ZNF577: variants seen among roughly 807,000 people sequenced by gnomAD.
The protein encoded by ZNF577 is zinc finger protein 577.
Under a neutral mutation model 13.9 loss-of-function variants are expected in ZNF577, and 14 were observed. The observed-to-expected ratio is 1.00, with a 90% CI of 0.66 to 1.57. The LOEUF is 1.57. Among genes scored for constraint, ZNF577 ranks in the 40% most tolerant of loss-of-function variants. ZNF577 has a pLI of 0.00. For missense variants in ZNF577, 555 were observed against 579.2 expected (o/e 0.96, Z 0.43); for synonymous variants, 203 against 202.9 (o/e 1.00, Z 0.00).
chr19:51,851,787 C>T (rs545015782), intron 5 of ZNF577, among the ~76,000 whole-genome samples: 2 of 152,280 alleles, frequency 1.3e-5, no homozygotes, highest in South Asian at 2.1e-4. Context: ...GATCTGGAGC[C>T]GCCCTGTCAC....
At chr19:51,814,702 C>T (rs2084121692) in intron 9 of ZNF577, among the ~76,000 whole-genome samples, 1 of 152,142 alleles carries the variant, frequency 6.6e-6, no homozygotes, top group Admixed American at 6.5e-5. Context: ...CCATGTTGGC[C>T]AGGCTGGTCT....
Position 51,824,876 on chromosome 19 carries a change from C to A in ZNF577, c.*600-13202G>T. 2 of 1,282,770 alleles carry A rather than the reference C, an allele frequency of 1.6e-6. No individual in the cohort carries two copies. Among genetic ancestry groups the A allele is most frequent in the Non-Finnish European group, 2.1e-6 (2 of 936,832 alleles). 79.5% of individuals were successfully genotyped at this position (1,282,770 alleles called of 1,614,324 possible). On this transcript the variant is annotated intron_variant and NMD_transcript_variant, in intron 9 of 10. Coordinates refer to the ZNF577 transcript ENST00000638827. This position sits in a 1 kb window ranked among gnomAD's most constrained non-coding sequence, Gnocchi z 4.7. ...GTTAAGCGGAAAAAAAAAATTCTGACAGTGTTTTTCTTCCTCTTTCATACC... is the reference window on the plus strand; with the variant it reads ...GTTAAGCGGAAAAAAAAAATTCTGAAAGTGTTTTTCTTCCTCTTTCATACC...
At chr19:51,885,922 G>T (rs1174822103) in intron 1 of ZNF577, among the ~76,000 whole-genome samples, 6 of 152,104 alleles carry the variant, frequency 3.9e-5, no homozygotes, top group Non-Finnish European at 5.9e-5. Flanking sequence ...ATAATATGGG[G>T]TATAATCATC....
At chr19:51,817,511 G>GT (rs1158097812) in intron 9 of ZNF577, among the ~76,000 whole-genome samples, 41 of 129,486 alleles carry the variant, frequency 3.2e-4, no homozygotes, top group African/African-American at 1.0e-3. Flanking sequence ...CAGTCAATCT[G>GT]TTTTGTTTTT....
Position 51,824,726 on chromosome 19 carries a change from T to C in ZNF577, c.*600-13052A>G, listed in dbSNP as rs1164437038. The C allele has an allele frequency of 6.2e-7, 1 of 1,614,104 alleles. No individual in the cohort carries two copies. The highest frequency in any genetic ancestry group is 1.1e-5 in the South Asian group (1 of 91,090). On this transcript the variant is annotated intron_variant and NMD_transcript_variant, in intron 9 of 10. Transcript: ENST00000638827. The surrounding 1 kb of genome is among the most constrained non-coding windows in gnomAD (Gnocchi z 4.7). ...CCACTAGTTTGGAGAGGGCCCTGACTGAGGTCCCTGACTCAGCCCAGACCA... is the reference window on the plus strand; with the variant it reads ...CCACTAGTTTGGAGAGGGCCCTGACCGAGGTCCCTGACTCAGCCCAGACCA...
intron 2 of ZNF577, 131 bp from the exon 3 acceptor site, chr19:51,880,532 A>G (rs1455181238): frequency 1.3e-6 from 1 of 753,328 alleles, no homozygotes; most frequent in African/African-American, 1.8e-5. Context: ...TTAATTTGCC[A>G]GGATTTTAAG....
rs2084616781 is a variant in ZNF577, at chr19:51,869,324, C to T, written c.*3208G>A. On this transcript the variant is annotated 3_prime_UTR_variant, in exon 6 of 6. Transcript: ENST00000638348. ...GAGACATGCTGGCAGCGATACTGTT[C>T]TTTACTGCACTGAGATATTTGTGTA... is the stretch of plus-strand genomic sequence containing the variant. Among the ~76,000 whole-genome samples the T allele has an allele frequency of 6.6e-6, 1 of 152,214 alleles. No homozygotes were observed. Among genetic ancestry groups the T allele is most frequent in the South Asian group, 2.1e-4 (1 of 4,832 alleles).
chr19:51,822,679 C>A (rs946320919), intron 9 of ZNF577, among the ~76,000 whole-genome samples: 1 of 152,176 alleles, frequency 6.6e-6, no homozygotes, highest in Non-Finnish European at 1.5e-5. Flanking sequence ...AGTGAATAGT[C>A]TCTGATAAGA....
At chr19:51,849,147 A>G (rs1184153332) in intron 5 of ZNF577, among the ~76,000 whole-genome samples, 3 of 152,200 alleles carry the variant, frequency 2.0e-5, no homozygotes, top group Non-Finnish European at 4.4e-5. Flanking sequence ...GAAACTATAC[A>G]CAGGTCTTTC....
rs1274990753 is a variant in ZNF577 at position 51,871,006 on chromosome 19, G to GA, written c.*1525dup. Among the ~76,000 whole-genome samples, 4 of 152,114 alleles carry GA rather than the reference G, an allele frequency of 2.6e-5. No individual in the cohort carries two copies. The highest frequency in any genetic ancestry group is 5.9e-5 in the Non-Finnish European group (4 of 68,020). On this transcript the variant is annotated 3_prime_UTR_variant, in exon 6 of 6. Transcript: ENST00000638348. Reference sequence around the variant, plus strand: ...TATACATTAGACATTTACTGTAAAAGAAAAAGGGACTGTTTGGGTTGGCTA... The same window carrying GA: ...TATACATTAGACATTTACTGTAAAAGAAAAAAGGGACTGTTTGGGTTGGCTA...
chr19:51,851,851 T>C (rs1217528586), intron 5 of ZNF577, among the ~76,000 whole-genome samples: 2 of 152,200 alleles, frequency 1.3e-5, no homozygotes. Flanking sequence ...CACAAGGTAT[T>C]CTTGTAAACA....
At chr19:51,851,697 CA>C (rs1445478403) in intron 5 of ZNF577, among the ~76,000 whole-genome samples, 1 of 152,104 alleles carries the variant, frequency 6.6e-6, no homozygotes, top group African/African-American at 2.4e-5. Context: ...AAAATACAGA[CA>C]GAAGCCCCAG....
In ZNF577 at chr19:51,873,585, A is replaced by G. The variant is rs1212731144; in HGVS notation, c.405T>C (p.Cys135=). 1.2e-6 allele frequency: 2 copies of G among 1,614,200 alleles called. No homozygotes were observed. Among genetic ancestry groups the G allele is most frequent in the Admixed American group, 3.3e-5 (2 of 60,026 alleles). The change falls in exon 6 of 6, where the codon TGT becomes TGC. Residue 135 remains cysteine, a synonymous_variant. Coordinates refer to ENST00000638348, the MANE Select transcript of ZNF577 (RefSeq NM_001370449.1). ...GTGATTTAGGGCTGCTGGGTTTAAC[A>G]CATCTATGGTATTTAACTCCAGTAA... ...KTLTGVKYHR[C]VKPSSPKSQL...
At chr19:51,805,445 A>G (rs2084051931) in intron 10 of ZNF577, among the ~76,000 whole-genome samples, 1 of 152,204 alleles carries the variant, frequency 6.6e-6, no homozygotes, top group Non-Finnish European at 1.5e-5. Context: ...GTAATTCACT[A>G]ATATCAAAGG....
intron 8 of ZNF577, chr19:51,840,357 T>G (rs2084313871): frequency 6.6e-6 from 1 of 152,260 alleles, no homozygotes; most frequent in Admixed American, 6.5e-5. Flanking sequence ...TTGAAAAAGT[T>G]TTGGGATCTG....
chr19:51,832,015 C>A (rs2084263415), intron 9 of ZNF577, among the ~76,000 whole-genome samples: 1 of 152,204 alleles, frequency 6.6e-6, no homozygotes, highest in Admixed American at 6.5e-5. Flanking sequence ...TCTCTCCAGT[C>A]TAGTTCAGCA....
intron 5 of ZNF577, among the ~76,000 whole-genome samples, chr19:51,854,172 C>T (rs182415500): frequency 4.6e-5 from 7 of 152,132 alleles, no homozygotes; most frequent in Admixed American, 4.6e-4. Context: ...AGAAAATCCA[C>T]GAATAAAGTA....
chr19:51,838,592 T>C (rs1446069374), intron 9 of ZNF577, among the ~76,000 whole-genome samples: 1 of 147,680 alleles, frequency 6.8e-6, no homozygotes, highest in Non-Finnish European at 1.5e-5. Flanking sequence ...TATTTATATA[T>C]AAGTATAAAC....
In ZNF577 at chr19:51,886,969, G is replaced by A. The variant is rs1450280916; in HGVS notation, c.-367C>T. On this transcript the variant is annotated 5_prime_UTR_variant, in exon 1 of 6. Coordinates refer to ENST00000638348, the MANE Select transcript of ZNF577 (RefSeq NM_001370449.1). ...TGTAATGACATGAGTACAATGAAGTGACAGAATAAACATATATATTTTTAA... is the reference window on the plus strand; with the variant it reads ...TGTAATGACATGAGTACAATGAAGTAACAGAATAAACATATATATTTTTAA... 2.0e-5 allele frequency: 3 copies of A among 152,026 alleles called. No homozygotes were observed. Among genetic ancestry groups the A allele is most frequent in the African/African-American group, 7.3e-5 (3 of 41,366 alleles). 9.4% of individuals were successfully genotyped at this position (152,026 alleles called of 1,614,324 possible).
Sources: allele counts gnomAD v4.1 joint callset (sites outside exome capture counted in the v4.1 genomes callset), GRCh38; gene constraint gnomAD v4.1.1; non-coding constraint Gnocchi (gnomAD v3.1); transcripts MANE v1.5; gene names NCBI Gene and HGNC (gene_info 2026-07-23, HGNC 2026-07-21).